Variants in REDIC1 observed in about 807,000 individuals in gnomAD.
REDIC1 encodes the protein regulator of DNA class I crossover intermediates 1.
chr12:39,648,581 G>A, the REDIC1 span, among the ~76,000 whole-genome samples: 1 of 151,228 alleles, frequency 6.6e-6, no homozygotes, highest in Non-Finnish European at 1.5e-5. Context: ...AGCATACCAG[G>A]AAATCTACTA....
At chr12:39,824,355 C>G in the REDIC1 span, among the ~76,000 whole-genome samples, 4 of 152,256 alleles carry the variant, frequency 2.6e-5, no homozygotes, top group East Asian at 5.8e-4. Flanking sequence ...AGCGCTCTTA[C>G]AAGTTGGATA....
At chr12:39,858,676 G>A in the REDIC1 span, among the ~76,000 whole-genome samples, 2 of 152,034 alleles carry the variant, frequency 1.3e-5, no homozygotes, top group East Asian at 3.9e-4. Flanking sequence ...GCACGATCTC[G>A]GCTCACTGCA....
chr12:39,730,978 C>A, the REDIC1 span, among the ~76,000 whole-genome samples: 16 of 152,130 alleles, frequency 1.1e-4, no homozygotes, highest in African/African-American at 3.9e-4. Context: ...TCACGAAGTT[C>A]TTGTGCTGTG....
the REDIC1 span, among the ~76,000 whole-genome samples, chr12:39,851,879 T>C: frequency 3.7e-4 from 56 of 152,234 alleles, no homozygotes; most frequent in Non-Finnish European, 1.3e-4. Context: ...TTATTTTCCC[T>C]TGTGCTAAAA....
At chr12:39,880,407 C>A in the REDIC1 span, among the ~76,000 whole-genome samples, 1 of 151,954 alleles carries the variant, frequency 6.6e-6, no homozygotes, top group Non-Finnish European at 1.5e-5. Flanking sequence ...CTGAGAAATC[C>A]TCTTTGTACA....
the REDIC1 span, among the ~76,000 whole-genome samples, chr12:39,852,578 C>CTAGGTGAAGAAGAAGAA: frequency 6.6e-6 from 1 of 152,116 alleles, no homozygotes; most frequent in Non-Finnish European, 1.5e-5. Flanking sequence ...GTTAGAATAT[C>CTAGGTGAAGAAGAAGAA]TAGGTGAAGA....
chr12:39,867,437 G>A, the REDIC1 span, among the ~76,000 whole-genome samples: 2 of 151,422 alleles, frequency 1.3e-5, no homozygotes, highest in South Asian at 2.1e-4. Flanking sequence ...ATACATTTTC[G>A]CAATGTTGGC....
the REDIC1 span, among the ~76,000 whole-genome samples, chr12:39,815,563 T>C: frequency 6.8e-4 from 103 of 152,250 alleles, no homozygotes; most frequent in African/African-American, 2.3e-3. Flanking sequence ...AACAACATTA[T>C]CCCAACTTTG....
the REDIC1 span, among the ~76,000 whole-genome samples, chr12:39,715,963 A>G: frequency 2.0e-5 from 3 of 151,968 alleles, no homozygotes; most frequent in African/African-American, 7.2e-5. Flanking sequence ...TTCTAGAATG[A>G]TGAAATAAGG....
At chr12:39,898,211 T>A in the REDIC1 span, among the ~76,000 whole-genome samples, 1 of 152,158 alleles carries the variant, frequency 6.6e-6, no homozygotes, top group Non-Finnish European at 1.5e-5. Flanking sequence ...TAATGTCTCT[T>A]TTTAAGACTA....
chr12:39,672,750 A>C, the REDIC1 span, among the ~76,000 whole-genome samples: 1 of 152,046 alleles, frequency 6.6e-6, no homozygotes, highest in Admixed American at 6.6e-5. Flanking sequence ...CTGGTGTCTT[A>C]CTGCAGCACC....
chr12:39,878,792 G>T, the REDIC1 span, among the ~76,000 whole-genome samples: 1 of 152,244 alleles, frequency 6.6e-6, no homozygotes, highest in Non-Finnish European at 1.5e-5. Flanking sequence ...GCAACCATTT[G>T]CTAGAGAAAT....
At chr12:39,713,002 T>C in the REDIC1 span, among the ~76,000 whole-genome samples, 2 of 141,106 alleles carry the variant, frequency 1.4e-5, no homozygotes, top group South Asian at 4.5e-4. Flanking sequence ...TACGTGTATA[T>C]GTATATATAC....
At chr12:39,635,059 T>A in the REDIC1 span, among the ~76,000 whole-genome samples, 1 of 152,122 alleles carries the variant, frequency 6.6e-6, no homozygotes, top group Non-Finnish European at 1.5e-5. Flanking sequence ...TCATTACTGG[T>A]CATCAGAGAA....
chr12:39,656,874 A>AT, the REDIC1 span, among the ~76,000 whole-genome samples: 1 of 152,134 alleles, frequency 6.6e-6, no homozygotes, highest in Non-Finnish European at 1.5e-5. Context: ...GTAAAGAAAA[A>AT]TTTTTTTACA....
chr12:39,717,873 A>T, the REDIC1 span, among the ~76,000 whole-genome samples: 9 of 151,854 alleles, frequency 5.9e-5, no homozygotes, highest in Admixed American at 5.9e-4. Flanking sequence ...TTAAGTACTC[A>T]TCTCCATCAA....
the REDIC1 span, among the ~76,000 whole-genome samples, chr12:39,749,079 C>G: frequency 6.6e-6 from 1 of 152,050 alleles, no homozygotes; most frequent in Non-Finnish European, 1.5e-5. Context: ...CAGAGAAGAA[C>G]TGAAGGAGAT....
chr12:39,808,936 ATT>A, the REDIC1 span, among the ~76,000 whole-genome samples: 1,919 of 151,840 alleles, frequency 0.013, 30 homozygotes, highest in African/African-American at 0.044. Context: ...CAATATATCA[ATT>A]TTTTCTTTTG....
the REDIC1 span, chr12:39,716,721 A>T: frequency 2.8e-6 from 4 of 1,450,432 alleles, no homozygotes; most frequent in South Asian, 5.0e-5. Context: ...TTATTCATAA[A>T]TACCATTATT....
Sources: allele counts gnomAD v4.1 joint callset (sites outside exome capture counted in the v4.1 genomes callset), GRCh38; gene constraint gnomAD v4.1.1; transcripts MANE v1.5; gene names NCBI Gene and HGNC (gene_info 2026-07-23, HGNC 2026-07-21).